Variants in SEL1L3 observed in about 807,000 individuals in gnomAD.
SEL1L3 encodes the protein protein sel-1 homolog 3.
SEL1L3 carries 76 observed loss-of-function variants against 142.8 expected under a neutral mutation model. The observed-to-expected ratio is 0.53, with a 90% confidence interval of 0.44 to 0.64. The LOEUF (loss-of-function observed/expected upper bound fraction) is 0.64, where lower values mean the gene tolerates loss of function less well. Ranked by LOEUF, SEL1L3 falls within the 30% of genes least tolerant of loss-of-function variation. The pLI, the probability that SEL1L3 is intolerant of heterozygous loss-of-function variation, is 0.00. For synonymous variants in SEL1L3, 504 were observed against 519.6 expected, an observed-to-expected ratio of 0.97 and a Z score of 0.41; for missense variants, 1,262 against 1,381.7, an observed-to-expected ratio of 0.91 and a Z score of 1.37.
intron 3 of SEL1L3, among the ~76,000 whole-genome samples, chr4:25,834,218 A>C (rs1014812745): frequency 7.2e-5 from 11 of 152,186 alleles, no homozygotes; most frequent in Non-Finnish European, 1.5e-4. Flanking sequence ...TGTGACTTGT[A>C]GAGTGAGGAT....
chr4:25,856,034 C>T (rs781606833), intron 1 of SEL1L3, among the ~76,000 whole-genome samples: 1 of 152,204 alleles, frequency 6.6e-6, no homozygotes, highest in African/African-American at 2.4e-5. Context: ...GAAGGTGGCA[C>T]CTTGGCACCC....
In SEL1L3 at chr4:25,769,401, A is replaced by G. The variant is rs1179035843; in HGVS notation, c.2670-1571T>C. ...ACCTAAGGCAGCTGACCAATTAGCC[A>G]TGACTCAGGCTAAAGAGGGACAAAG... is the stretch of plus-strand genomic sequence containing the variant. On this transcript the variant is annotated intron_variant, in intron 17 of 23. Coordinates refer to ENST00000399878, the MANE Select transcript of SEL1L3 (RefSeq NM_015187.5). Among the ~76,000 whole-genome samples, 7 of 152,336 alleles carry G rather than the reference A, an allele frequency of 4.6e-5. No homozygotes were observed. The East Asian group carries it at 1.3e-3, about 29-fold the overall frequency.
chr4:25,800,459 G>C (rs1352909511), intron 11 of SEL1L3, among the ~76,000 whole-genome samples: 1 of 151,902 alleles, frequency 6.6e-6, no homozygotes, highest in Non-Finnish European at 1.5e-5. Flanking sequence ...GTTTTCTTTC[G>C]CAATCATAAC....
intron 16 of SEL1L3, chr4:25,777,786 T>G (rs912332195): frequency 4.4e-6 from 2 of 455,722 alleles, no homozygotes; most frequent in Non-Finnish European, 8.8e-6. Context: ...ATCACCAAGG[T>G]CAGGTCAGGT....
intron 13 of SEL1L3, among the ~76,000 whole-genome samples, chr4:25,784,823 A>G (rs1036392274): frequency 2.0e-5 from 3 of 152,240 alleles, no homozygotes; most frequent in South Asian, 2.1e-4. Context: ...ACTAACAGAA[A>G]CTAACAAGGT....
the SEL1L3 span, among the ~76,000 whole-genome samples, chr4:25,733,914 C>G: frequency 6.6e-6 from 1 of 152,128 alleles, no homozygotes; most frequent in Non-Finnish European, 1.5e-5. Context: ...AGGAAGTGTT[C>G]AGTTTGTTGC....
chr4:25,807,553 C>A (rs1171479168), intron 9 of SEL1L3, among the ~76,000 whole-genome samples: 1 of 151,956 alleles, frequency 6.6e-6, no homozygotes, highest in East Asian at 1.9e-4. Flanking sequence ...TCTGCACATT[C>A]CCAGCAAAGC....
intron 3 of SEL1L3, 99 bp from the exon 4 acceptor site, chr4:25,833,668 G>C: frequency 9.1e-7 from 1 of 1,098,274 alleles, no homozygotes; most frequent in Non-Finnish European, 1.3e-6. Flanking sequence ...TCTTTCCAAT[G>C]AATGGATGAA....
intron 11 of SEL1L3, among the ~76,000 whole-genome samples, chr4:25,794,554 T>A (rs1657554373): frequency 6.6e-6 from 1 of 152,138 alleles, no homozygotes; most frequent in African/African-American, 2.4e-5. Flanking sequence ...TATTAACAAG[T>A]CAAGAAGCAA....
Position 25,779,150 on chromosome 4 carries a change from C to G in SEL1L3, c.2511G>C (p.Gly837=), listed in dbSNP as rs1209200209. ...HKAAQGGHME[G]TLWCSLYYIT... is the part of the protein sequence containing the mutation. The stretch of plus-strand genomic sequence containing the variant: ...TATAGTAGAGAGAACACCACAAGGT[C>G]CCTTCCATGTGTCCACCTTGCGCAG... The change falls in exon 16 of 24, where the codon GGG becomes GGC. Residue 837 remains glycine, a synonymous_variant. Transcript: ENST00000399878. 1 of 1,613,380 alleles carries G rather than the reference C, an allele frequency of 6.2e-7. No homozygotes were observed. Among genetic ancestry groups the G allele is most frequent in the Non-Finnish European group, 8.5e-7 (1 of 1,179,360 alleles).
At chr4:25,753,338 C>T (rs1466393830) in intron 23 of SEL1L3, among the ~76,000 whole-genome samples, 1 of 152,238 alleles carries the variant, frequency 6.6e-6, no homozygotes, top group Non-Finnish European at 1.5e-5. Flanking sequence ...CACAAAATGA[C>T]AAAGCTCTCT....
At chr4:25,758,069 A>T (rs6810782) in intron 21 of SEL1L3, among the ~76,000 whole-genome samples, 64,980 of 152,106 alleles carry the variant, frequency 0.43, 15,367 homozygotes, top group East Asian at 0.73. Flanking sequence ...GCAAAAACTT[A>T]AAAATAAATA....
chr4:25,855,530 T>C (rs1577704083), intron 1 of SEL1L3, among the ~76,000 whole-genome samples: 1 of 151,450 alleles, frequency 6.6e-6, no homozygotes, highest in Non-Finnish European at 1.5e-5. Flanking sequence ...CCGAGGCGGG[T>C]GGATCACCTG....
intron 17 of SEL1L3, among the ~76,000 whole-genome samples, chr4:25,768,349 C>T (rs7686038): frequency 0.33 from 50,444 of 151,992 alleles, 8,932 homozygotes; most frequent in East Asian, 0.54. Flanking sequence ...AGAAAAGAAA[C>T]GTTTGACACC....
Position 25,747,953 on chromosome 4 carries a change from A to G in SEL1L3, c.*472T>C, listed in dbSNP as rs1252521352. On this transcript the variant is annotated 3_prime_UTR_variant, in exon 24 of 24. Transcript: ENST00000399878. ...GCTAGGTCTTGGAAGTCAAAGAGAA[A>G]TCTATCAATTCAGCTTTGAGGAACA... 6.5e-6 allele frequency: 1 copy of G among 153,494 alleles called. No individual in the cohort carries two copies. The highest frequency in any genetic ancestry group is 1.5e-5 in the Non-Finnish European group (1 of 68,652). The allele number at this position is 153,494 out of a possible 1,614,324, so 9.5% of individuals were successfully genotyped here.
intron 13 of SEL1L3, among the ~76,000 whole-genome samples, chr4:25,785,538 C>T (rs543494388): frequency 6.6e-6 from 1 of 152,180 alleles, no homozygotes; most frequent in African/African-American, 2.4e-5. Context: ...AAACTGAATC[C>T]AACTAAAGGT....
chr4:25,751,664 AAT>A (rs890142899), intron 23 of SEL1L3, among the ~76,000 whole-genome samples: 11 of 148,832 alleles, frequency 7.4e-5, no homozygotes, highest in African/African-American at 2.2e-4. Context: ...TATATAAATA[AAT>A]ATATGTTCTT....
At chr4:25,757,633 T>C in intron 22 of SEL1L3, 27 bp from the exon 23 acceptor site, 1 of 1,557,528 alleles carries the variant, frequency 6.4e-7, no homozygotes. Flanking sequence ...CACGCATTAG[T>C]GACTGACAAA....
chr4:25,830,834 C>A (rs1214018911), intron 5 of SEL1L3, among the ~76,000 whole-genome samples: 1 of 152,206 alleles, frequency 6.6e-6, no homozygotes, highest in African/African-American at 2.4e-5. Flanking sequence ...GAAACCAACC[C>A]AATTCAGCCA....
Sources: gnomAD v4.1 joint callset for allele counts (sites outside exome capture counted in the v4.1 genomes callset) on GRCh38, gnomAD v4.1.1 for gene constraint, MANE v1.5 for transcripts, NCBI Gene and HGNC (gene_info 2026-07-23, HGNC 2026-07-21) for gene names.